Variants in TPM4 observed in about 807,000 individuals in gnomAD.
The protein encoded by TPM4 is tropomyosin alpha-4 chain.
TPM4 carries 17 observed loss-of-function variants against 35.8 expected under a neutral mutation model. The observed-to-expected ratio is 0.47, with a 90% confidence interval of 0.32 to 0.71. TPM4 has a LOEUF of 0.71. Among genes scored for constraint, TPM4 ranks in the 30% least tolerant of loss-of-function variants. TPM4 has a pLI of 0.03. For synonymous variants in TPM4, 120 were observed against 122.9 expected, an observed-to-expected ratio of 0.98 and a Z score of 0.15; for missense variants, 240 against 320.9, an observed-to-expected ratio of 0.75 and a Z score of 1.93.
intron 5 of TPM4, among the ~76,000 whole-genome samples, chr19:16,091,264 C>G (rs1247029735): frequency 6.6e-6 from 1 of 152,094 alleles, no homozygotes; most frequent in African/African-American, 2.4e-5. Context: ...GTTGGCCAGG[C>G]TCGTCTCAAA....
At chr19:16,100,581 G>A (rs1242343757) in intron 7 of TPM4, 1 of 152,268 alleles carries the variant, frequency 6.6e-6, no homozygotes, top group Non-Finnish European at 1.5e-5. Context: ...AGCACTTTGG[G>A]AGGCTGAGCA....
intron 5 of TPM4, 59 bp downstream of exon 5, chr19:16,089,179 G>A (rs909308862): frequency 8.1e-6 from 13 of 1,604,454 alleles, no homozygotes; most frequent in Admixed American, 1.7e-5. Flanking sequence ...TTCTTCTCCC[G>A]AGGGATGCAG....
At position 16,076,585 on chromosome 19, in the gene TPM4, T is replaced by G; in HGVS notation, c.20T>G (p.Leu7Arg). Residue 7 changes from leucine (L) to arginine (R), a missense_variant, in exon 1 of 8, where the codon CTG becomes CGG. Physicochemically the swap from Leu to Arg is moderately radical, Grantham distance 102 (BLOSUM62 -2). Transcript: ENST00000643579. Reference protein sequence around the residue: MAGLNSLEAVKRKIQAL... With the variant: MAGLNSREAVKRKIQAL... ...CGCGCCATGGCCGGCCTCAACTCCC[T>G]GGAGGCGGTGAAACGCAAGATCCAG... is the stretch of plus-strand genomic sequence containing the variant. The G allele has an allele frequency of 6.8e-7, 1 of 1,469,478 alleles. No homozygotes were observed. The highest frequency in any genetic ancestry group is 8.9e-7 in the Non-Finnish European group (1 of 1,117,512). The allele number at this position is 1,469,478 out of a possible 1,614,324, so 91.0% of individuals were successfully genotyped here.
intron 2 of TPM4, among the ~76,000 whole-genome samples, chr19:16,084,880 CTG>C (rs1308294697): frequency 6.6e-6 from 1 of 152,202 alleles, no homozygotes. Flanking sequence ...CATATGGTCT[CTG>C]TGCTGGGTGG....
At chr19:16,092,111 C>G (rs532219674) in intron 5 of TPM4, among the ~76,000 whole-genome samples, 1 of 149,602 alleles carries the variant, frequency 6.7e-6, no homozygotes, top group East Asian at 2.0e-4. Context: ...GCAGAAGTTG[C>G]AAGTCACAGT....
upstream of TPM4, among the ~76,000 whole-genome samples, chr19:16,072,776 A>G (rs2090366780): frequency 6.6e-6 from 1 of 152,042 alleles, no homozygotes; most frequent in Admixed American, 6.6e-5. Flanking sequence ...GCTTGGTGGC[A>G]TGAGCCTGTA....
intron 3 of TPM4, among the ~76,000 whole-genome samples, chr19:16,087,584 TA>T (rs1041185720): frequency 6.7e-6 from 1 of 149,392 alleles, no homozygotes; most frequent in African/African-American, 2.5e-5. Context: ...CTCAAAAGAA[TA>T]AAAAAATAAA....
In TPM4 at chr19:16,070,213, C is replaced by T. The variant is rs1444004361; in HGVS notation, c.114+2475C>T. Among the ~76,000 whole-genome samples, 1 of 152,112 alleles carries T rather than the reference C, an allele frequency of 6.6e-6. No individual in the cohort carries two copies. Among genetic ancestry groups the T allele is most frequent in the Non-Finnish European group, 1.5e-5 (1 of 68,016 alleles). ...TCCCATCTCCTGGCAGCCAAGAGCC[C>T]ACACAGACCCAGAACTTTGGAGACA... On this transcript the variant is annotated intron_variant, in intron 2 of 2. Coordinates refer to the TPM4 transcript ENST00000589897. This position sits in a 1 kb window ranked among gnomAD's most constrained non-coding sequence, Gnocchi z 7.4.
At chr19:16,092,188 A>G (rs929804123) in intron 5 of TPM4, among the ~76,000 whole-genome samples, 1 of 151,044 alleles carries the variant, frequency 6.6e-6, no homozygotes, top group Non-Finnish European at 1.5e-5. Flanking sequence ...AAAAAAAAAA[A>G]AAAGAAAAGA....
intron 1 of TPM4, chr19:16,077,478 G>A (rs1481968362): frequency 1.3e-5 from 2 of 152,162 alleles, no homozygotes; most frequent in Admixed American, 6.5e-5. Flanking sequence ...ATAAACAATG[G>A]GTCTGAAAAA....
At chr19:16,083,173 G>A (rs1198373252) in intron 2 of TPM4, among the ~76,000 whole-genome samples, 2 of 152,134 alleles carry the variant, frequency 1.3e-5, no homozygotes, top group African/African-American at 2.4e-5. Flanking sequence ...ACCAGGTGCC[G>A]TGGCTCACGC....
chr19:16,077,242 C>G (rs2090420818), intron 1 of TPM4: 1 of 151,250 alleles, frequency 6.6e-6, no homozygotes, highest in Non-Finnish European at 1.5e-5. Flanking sequence ...CTGACCGTTC[C>G]CAGGGGCGCG....
intron 4 of TPM4, chr19:16,088,724 C>T (rs1005240231): frequency 4.6e-5 from 51 of 1,114,710 alleles, no homozygotes; most frequent in Non-Finnish European, 5.6e-5. Flanking sequence ...CCCATTCTTA[C>T]ACCTTCCGGA....
upstream of TPM4, chr19:16,076,139 G>A (rs755172654): frequency 1.9e-6 from 3 of 1,574,676 alleles, no homozygotes; most frequent in Admixed American, 1.9e-5. Flanking sequence ...ACGCGCAGGA[G>A]AAGCTGGAGC....
intron 2 of TPM4, among the ~76,000 whole-genome samples, chr19:16,071,371 G>A (rs1400168995): frequency 6.6e-6 from 1 of 151,868 alleles, no homozygotes; most frequent in Non-Finnish European, 1.5e-5. Flanking sequence ...ATTTTTAGTA[G>A]AGACAGGGTC....
At chr19:16,093,801 G>A (rs1305901554) in intron 7 of TPM4, 48 bp downstream of exon 7, 2 of 1,604,290 alleles carry the variant, frequency 1.2e-6, no homozygotes, top group Non-Finnish European at 1.7e-6. Context: ...CTTCCCCTCT[G>A]GGACACATCC....
intron 3 of TPM4, among the ~76,000 whole-genome samples, chr19:16,087,660 A>G (rs1032169157): frequency 3.3e-5 from 5 of 151,916 alleles, no homozygotes; most frequent in African/African-American, 1.2e-4. Flanking sequence ...AGGTAGGTGG[A>G]TCAGGAGGTC....
intron 2 of TPM4, among the ~76,000 whole-genome samples, chr19:16,071,456 A>G (rs1311607937): frequency 6.6e-6 from 1 of 152,178 alleles, no homozygotes; most frequent in Non-Finnish European, 1.5e-5. Flanking sequence ...AAGTGCTGGG[A>G]TCACAGACTT....
At chr19:16,096,336 A>C (rs1222012534) in intron 7 of TPM4, among the ~76,000 whole-genome samples, 1 of 152,168 alleles carries the variant, frequency 6.6e-6, no homozygotes, top group East Asian at 1.9e-4. Flanking sequence ...AGGGTGCTGC[A>C]ATTACAGGCA....
Sources: gnomAD v4.1 joint callset for allele counts (sites outside exome capture counted in the v4.1 genomes callset) on GRCh38, gnomAD v4.1.1 for gene constraint, Gnocchi (gnomAD v3.1) non-coding constraint, MANE v1.5 for transcripts, NCBI Gene and HGNC (gene_info 2026-07-23, HGNC 2026-07-21) for gene names.